Variants in TNFSF4 observed in about 807,000 individuals in gnomAD.
The protein encoded by TNFSF4 is TNF superfamily member 4.
A neutral mutation model predicts 7.3 loss-of-function variants in TNFSF4; 4 were observed. That is an observed-to-expected ratio of 0.55 (90% CI 0.27 to 1.25). The LOEUF (loss-of-function observed/expected upper bound fraction) is 1.25, where lower values mean the gene tolerates loss of function less well. Among genes scored for constraint, TNFSF4 ranks in the 50% most tolerant of loss-of-function variants. The pLI, the probability that TNFSF4 is intolerant of heterozygous loss-of-function variation, is 0.12. For synonymous variants in TNFSF4, 76 were observed against 83.7 expected (o/e 0.91, Z 0.50); for missense variants, 181 against 208.8 (o/e 0.87, Z 0.82).
At chr1:173,391,682 C>G in the TNFSF4 span, among the ~76,000 whole-genome samples, 1 of 152,102 alleles carries the variant, frequency 6.6e-6, no homozygotes, top group Non-Finnish European at 1.5e-5. Flanking sequence ...CTAAATCAGT[C>G]TAACCCTGCC....
chr1:173,391,435 C>CAAAAAAA, the TNFSF4 span, among the ~76,000 whole-genome samples: 3 of 108,826 alleles, frequency 2.8e-5, no homozygotes, highest in African/African-American at 6.9e-5. Flanking sequence ...CCTTAGAAAG[C>CAAAAAAA]AAAAAAAAAA....
At chr1:173,247,216 C>T in the TNFSF4 span, among the ~76,000 whole-genome samples, 1 of 152,110 alleles carries the variant, frequency 6.6e-6, no homozygotes, top group African/African-American at 2.4e-5. Flanking sequence ...TTCCCTGTCA[C>T]TGAGTATCAC....
At chr1:173,251,537 T>C in the TNFSF4 span, among the ~76,000 whole-genome samples, 1 of 152,208 alleles carries the variant, frequency 6.6e-6, no homozygotes, top group Non-Finnish European at 1.5e-5. Context: ...GCCCTCAAGA[T>C]GTCTGAAAGG....
chr1:173,374,014 A>G, the TNFSF4 span, among the ~76,000 whole-genome samples: 1 of 152,212 alleles, frequency 6.6e-6, no homozygotes, highest in Non-Finnish European at 1.5e-5. Context: ...AAGGTCGAGA[A>G]GGCAAATGAA....
chr1:173,244,442 A>C, the TNFSF4 span, among the ~76,000 whole-genome samples: 1 of 152,066 alleles, frequency 6.6e-6, no homozygotes, highest in South Asian at 2.1e-4. Context: ...GGAGATCGAG[A>C]CCATCCCGGC....
At chr1:173,364,225 G>GTATATATATATATATATATATATA in the TNFSF4 span, among the ~76,000 whole-genome samples, 3 of 143,592 alleles carry the variant, frequency 2.1e-5, no homozygotes, top group African/African-American at 7.7e-5. Flanking sequence ...AGAAGACTAG[G>GTATATATATATATATATATATATA]TATATATATA....
the TNFSF4 span, among the ~76,000 whole-genome samples, chr1:173,368,233 A>C: frequency 6.6e-6 from 1 of 152,088 alleles, no homozygotes; most frequent in Non-Finnish European, 1.5e-5. Context: ...ACACTGTGGA[A>C]GCTTTGTTCT....
the TNFSF4 span, among the ~76,000 whole-genome samples, chr1:173,394,794 T>C: frequency 6.6e-6 from 1 of 152,106 alleles, no homozygotes; most frequent in Non-Finnish European, 1.5e-5. Context: ...CCTTTCAAGG[T>C]CCTTTGCCAC....
the TNFSF4 span, among the ~76,000 whole-genome samples, chr1:173,242,999 G>T: frequency 9.4e-6 from 1 of 106,384 alleles, no homozygotes; most frequent in Non-Finnish European, 2.0e-5. Context: ...TAAGAAGTTG[G>T]TGGGTGGGGG....
intron 1 of TNFSF4, among the ~76,000 whole-genome samples, chr1:173,202,688 C>T (rs143983669): frequency 1.1e-4 from 16 of 152,244 alleles, no homozygotes; most frequent in African/African-American, 3.9e-4. Flanking sequence ...GAGAATGAAG[C>T]GTGTTCCTTT....
At chr1:173,437,971 T>C in the TNFSF4 span, among the ~76,000 whole-genome samples, 1 of 152,148 alleles carries the variant, frequency 6.6e-6, no homozygotes, top group Admixed American at 6.5e-5. Context: ...CCCTCCCCAA[T>C]AAAATCCCAC....
At chr1:173,207,733 A>G (rs969275025), upstream of TNFSF4, among the ~76,000 whole-genome samples, 1 of 152,184 alleles carries the variant, frequency 6.6e-6, no homozygotes, top group Admixed American at 6.5e-5. Flanking sequence ...TTCAGAAAGA[A>G]AGCACACACA....
At chr1:173,435,969 A>C in the TNFSF4 span, among the ~76,000 whole-genome samples, 1 of 152,262 alleles carries the variant, frequency 6.6e-6, no homozygotes, top group Non-Finnish European at 1.5e-5. Flanking sequence ...AGAATTACTA[A>C]GTTAAAGACT....
the TNFSF4 span, among the ~76,000 whole-genome samples, chr1:173,401,779 A>G: frequency 6.6e-6 from 1 of 152,130 alleles, no homozygotes; most frequent in African/African-American, 2.4e-5. Context: ...ATACATATAC[A>G]CACACATATA....
chr1:173,191,713 CTGGT>C (rs1649486736), intron 1 of TNFSF4, among the ~76,000 whole-genome samples: 1 of 152,214 alleles, frequency 6.6e-6, no homozygotes, highest in South Asian at 2.1e-4. Context: ...TGTGACTTCT[CTGGT>C]TCTTTGAATT....
chr1:173,210,033 GTTT>G (rs1419542244), upstream of TNFSF4, among the ~76,000 whole-genome samples: 2 of 145,230 alleles, frequency 1.4e-5, no homozygotes, highest in Admixed American at 1.4e-4. Flanking sequence ...AAACATTTGG[GTTT>G]TTTTTTTTTC....
the TNFSF4 span, among the ~76,000 whole-genome samples, chr1:173,250,129 G>C: frequency 6.6e-6 from 1 of 152,120 alleles, no homozygotes; most frequent in Non-Finnish European, 1.5e-5. Flanking sequence ...GAAGCCATTC[G>C]ATAGCTAACT....
the TNFSF4 span, among the ~76,000 whole-genome samples, chr1:173,281,133 C>T: frequency 6.6e-6 from 1 of 151,786 alleles, no homozygotes; most frequent in Non-Finnish European, 1.5e-5. Context: ...ACGTGAGATG[C>T]GCATTGTTAG....
At chr1:173,173,842 C>T in the TNFSF4 span, among the ~76,000 whole-genome samples, 12 of 152,328 alleles carry the variant, frequency 7.9e-5, no homozygotes, top group African/African-American at 2.6e-4. Context: ...GCCTCAGAGC[C>T]TGTGATGGGA....
Sources: gnomAD v4.1 joint callset for allele counts (sites outside exome capture counted in the v4.1 genomes callset) on GRCh38, gnomAD v4.1.1 for gene constraint, MANE v1.5 for transcripts, NCBI Gene and HGNC (gene_info 2026-07-23, HGNC 2026-07-21) for gene names.